DTHD1: variants seen among roughly 807,000 people sequenced by gnomAD.
DTHD1 encodes death domain-containing protein 1.
Under a neutral mutation model 74.8 loss-of-function variants are expected in DTHD1, and 59 were observed. The observed-to-expected ratio is 0.79, with a 90% confidence interval of 0.64 to 0.98. The LOEUF (loss-of-function observed/expected upper bound fraction) is 0.98, where lower values mean the gene tolerates loss of function less well. Ranked by LOEUF, DTHD1 falls within the 50% of genes least tolerant of loss-of-function variation. The pLI, the probability that DTHD1 is intolerant of heterozygous loss-of-function variation, is 0.00. For synonymous variants in DTHD1, 365 were observed against 371.1 expected (o/e 0.98, Z 0.19); for missense variants, 1,051 against 1,065.4 (o/e 0.99, Z 0.19).
intron 3 of DTHD1, among the ~76,000 whole-genome samples, 162 bp downstream of exon 3, chr4:36,290,865 A>T (rs1001071801): frequency 2.0e-5 from 3 of 152,234 alleles, no homozygotes; most frequent in Non-Finnish European, 2.9e-5. Context: ...CCATCCATAA[A>T]GATCAAAGGA....
intron 8 of DTHD1, among the ~76,000 whole-genome samples, chr4:36,335,807 T>C (rs1346275566): frequency 6.6e-6 from 1 of 152,176 alleles, no homozygotes; most frequent in East Asian, 1.9e-4. Flanking sequence ...ACATATGAGT[T>C]CAAGTAAAAA....
At chr4:36,340,248 G>A (rs150923929) in intron 9 of DTHD1, among the ~76,000 whole-genome samples, 97 of 152,300 alleles carry the variant, frequency 6.4e-4, no homozygotes, top group African/African-American at 2.2e-3. Context: ...AAATAAAGAC[G>A]TTTAGACAAT....
rs1296843608 is a variant in DTHD1, at chr4:36,346,763, T to G, written c.*2939T>G. Among the ~76,000 whole-genome samples, 1 of 152,056 alleles carries G rather than the reference T, an allele frequency of 6.6e-6. No individual in the cohort carries two copies. Among genetic ancestry groups the G allele is most frequent in the African/African-American group, 2.4e-5 (1 of 41,418 alleles). ...ATTATACCATTCCCCTTTTCCTCCC[T>G]GTGCTCATCTTGGCCTGGCTGTGTC... On this transcript the variant is annotated 3_prime_UTR_variant, in exon 10 of 10. Transcript: ENST00000639862.
intron 8 of DTHD1, among the ~76,000 whole-genome samples, chr4:36,320,389 T>C (rs2109531453): frequency 6.6e-6 from 1 of 152,362 alleles, no homozygotes; most frequent in East Asian, 1.9e-4. Flanking sequence ...TGTGACTAAC[T>C]AGATGAACAA....
chr4:36,340,545 G>T (rs1489298474), intron 9 of DTHD1, among the ~76,000 whole-genome samples: 1 of 152,224 alleles, frequency 6.6e-6, no homozygotes. Flanking sequence ...TCAGCTGAGT[G>T]GCTGCATTAA....
rs568527236 is a variant in DTHD1, at chr4:36,305,404, A to G, written c.1644-787A>G. Among the ~76,000 whole-genome samples the G allele has an allele frequency of 4.6e-5, 7 of 152,276 alleles. No individual in the cohort carries two copies. In the East Asian group the frequency reaches 1.2e-3, roughly 25 times the overall value. ...AGGCAAGAGAGAATGAGAGCCAAGC[A>G]AAAGGAGAGACCCCTTATAAAACCA... is the stretch of plus-strand genomic sequence containing the variant. On this transcript the variant is annotated intron_variant, in intron 5 of 9. Transcript: ENST00000639862.
Position 36,338,598 on chromosome 4 carries a change from T to C in DTHD1, c.2341-514T>C, listed in dbSNP as rs75823760. 2.6e-5 allele frequency among the ~76,000 whole-genome samples: 4 copies of C among 151,734 alleles called. No individual in the cohort carries two copies. The South Asian group carries it at 8.3e-4, about 32-fold the overall frequency. On this transcript the variant is annotated intron_variant, in intron 8 of 9. Coordinates refer to ENST00000639862, the MANE Select transcript of DTHD1 (RefSeq NM_001170700.3). ...TATCTCATATTACCTGAGAAAAAAC[T>C]GTTCTGCAGACTGTGTAGAAAGCTA... is the stretch of plus-strand genomic sequence containing the variant.
intron 5 of DTHD1, among the ~76,000 whole-genome samples, chr4:36,297,959 T>C (rs1446426367): frequency 6.6e-6 from 1 of 151,974 alleles, no homozygotes; most frequent in African/African-American, 2.4e-5. Context: ...TGTGTGTTTA[T>C]GTGACATTTT....
intron 9 of DTHD1, among the ~76,000 whole-genome samples, chr4:36,339,502 A>T (rs1759198908): frequency 6.6e-6 from 1 of 152,180 alleles, no homozygotes; most frequent in Non-Finnish European, 1.5e-5. Context: ...TTAAGTTGTA[A>T]ATCTTAAAGT....
At position 36,284,234 on chromosome 4, in the gene DTHD1, T is replaced by A; in HGVS notation, c.530T>A (p.Leu177Ter). The A allele has an allele frequency of 6.5e-7, 1 of 1,536,956 alleles. No homozygotes were observed. Among genetic ancestry groups the A allele is most frequent in the South Asian group, 1.2e-5 (1 of 84,048 alleles). ...EESHYTNQVQ[L>*]EKNKTHMSSA... The stretch of plus-strand genomic sequence containing the variant: ...AGTCATTACACAAACCAGGTCCAGT[T>A]AGAAAAAAATAAAACACATATGAGT... The change falls in exon 2 of 10, where the codon TTA (leucine) becomes TAA (stop). Residue 177 changes from leucine to a stop codon, truncating the protein, a stop_gained. Coordinates refer to ENST00000639862, the MANE Select transcript of DTHD1 (RefSeq NM_001170700.3). LOFTEE classifies it high-confidence loss of function.
At chr4:36,283,200 G>A (rs2109434537) in intron 1 of DTHD1, among the ~76,000 whole-genome samples, 1 of 152,336 alleles carries the variant, frequency 6.6e-6, no homozygotes, top group South Asian at 2.1e-4. Flanking sequence ...CCTCAGTAGT[G>A]AGGAGAAGCA....
At chr4:36,291,450 A>ATGTCAAATTTTAAT (rs1156245527) in intron 3 of DTHD1, among the ~76,000 whole-genome samples, 2 of 152,234 alleles carry the variant, frequency 1.3e-5, no homozygotes, top group Non-Finnish European at 2.9e-5. Flanking sequence ...TATCATTTTC[A>ATGTCAAATTTTAAT]TGTCAAATTT....
At chr4:36,335,988 A>G (rs531281225) in intron 8 of DTHD1, among the ~76,000 whole-genome samples, 1 of 152,388 alleles carries the variant, frequency 6.6e-6, no homozygotes, top group African/African-American at 2.4e-5. Context: ...ATGACTTCTA[A>G]ATAGATAAGG....
At chr4:36,287,561 C>T (rs1755783153) in intron 2 of DTHD1, among the ~76,000 whole-genome samples, 1 of 152,210 alleles carries the variant, frequency 6.6e-6, no homozygotes, top group Non-Finnish European at 1.5e-5. Context: ...GGATTCTCCA[C>T]ACTGTTTTCC....
rs1353022510 is a variant in DTHD1 at position 36,338,972 on chromosome 4, C to A, written c.2341-140C>A. 4 of 640,360 alleles carry A rather than the reference C, an allele frequency of 6.2e-6. No individual in the cohort carries two copies. The African/African-American group carries it at 7.3e-5, about 12-fold the overall frequency. The allele number at this position is 640,360 out of a possible 1,614,324, so 39.7% of individuals were successfully genotyped here. A position where few individuals can be genotyped will look rare whatever the true frequency, so the allele number is the denominator to read the frequency against. On this transcript the variant is annotated intron_variant, in intron 8 of 9. Transcript: ENST00000639862. ...AAAACAATTGCTGAGCATGCATGCACAAATACAGTATTTAATTTTGCAAGG... is the reference window on the plus strand; with the variant it reads ...AAAACAATTGCTGAGCATGCATGCAAAAATACAGTATTTAATTTTGCAAGG...
chr4:36,316,982 C>T (rs771619732), intron 8 of DTHD1, among the ~76,000 whole-genome samples: 6 of 152,172 alleles, frequency 3.9e-5, no homozygotes, highest in African/African-American at 1.4e-4. Flanking sequence ...ATGTCAAACA[C>T]ACAAATAAAT....
At chr4:36,296,748 A>T (rs967665108) in intron 5 of DTHD1, among the ~76,000 whole-genome samples, 17 of 152,226 alleles carry the variant, frequency 1.1e-4, no homozygotes, top group Admixed American at 3.3e-4. Context: ...TATTCACTAT[A>T]ATTAACATTT....
chr4:36,288,138 G>A (rs374355825), intron 2 of DTHD1, among the ~76,000 whole-genome samples: 66 of 151,842 alleles, frequency 4.3e-4, no homozygotes, highest in African/African-American at 1.2e-3. Flanking sequence ...TTGCTCTTTC[G>A]CCCAGGCTGG....
intron 3 of DTHD1, among the ~76,000 whole-genome samples, chr4:36,291,416 AAC>A (rs1428654640): frequency 6.6e-6 from 1 of 151,988 alleles, no homozygotes; most frequent in Non-Finnish European, 1.5e-5. Context: ...GAAGCCTATA[AAC>A]ACATGTTAGT....
Sources: allele counts gnomAD v4.1 joint callset (sites outside exome capture counted in the v4.1 genomes callset), GRCh38; gene constraint gnomAD v4.1.1; transcripts MANE v1.5; gene names NCBI Gene and HGNC (gene_info 2026-07-23, HGNC 2026-07-21).